TMED3: variants seen among roughly 807,000 people sequenced by gnomAD.
The protein encoded by TMED3 is transmembrane p24 trafficking protein 3, also known as transmembrane emp24 domain-containing protein 3.
In TMED3, 9 loss-of-function variants were observed where a neutral mutation model predicts 15.0. The ratio of observed to expected loss-of-function variants is 0.60; its 90% CI spans 0.36 to 1.04. TMED3 has a LOEUF of 1.04. Among genes scored for constraint, TMED3 ranks in the 50% least tolerant of loss-of-function variants. The pLI is 0.01. For synonymous variants in TMED3, 117 were observed against 121.4 expected (o/e 0.96, Z 0.24); for missense variants, 267 against 278.9 (o/e 0.96, Z 0.30).
chr15:79,390,433 A>G (rs1024139022), intron 2 of TMED3, among the ~76,000 whole-genome samples: 2 of 152,200 alleles, frequency 1.3e-5, no homozygotes, highest in African/African-American at 4.8e-5. Context: ...CATCCCCAGT[A>G]TGAAACCCAC....
chr15:79,398,091 T>A (rs1037226177), intron 2 of TMED3, among the ~76,000 whole-genome samples: 4 of 152,196 alleles, frequency 2.6e-5, no homozygotes, highest in Admixed American at 2.6e-4. Flanking sequence ...CATTATAGTA[T>A]CATACAGAGT....
chr15:79,325,245 A>G (rs1165330171), downstream of TMED3, among the ~76,000 whole-genome samples: 3 of 152,218 alleles, frequency 2.0e-5, no homozygotes, highest in East Asian at 3.9e-4. Flanking sequence ...AGATTCCCCC[A>G]TAAAATAATT....
chr15:79,341,048 G>T (rs969993988), intron 2 of TMED3, among the ~76,000 whole-genome samples: 3 of 152,032 alleles, frequency 2.0e-5, no homozygotes, highest in East Asian at 1.9e-4. Flanking sequence ...TAGAAAATTA[G>T]CTGGGTGTGG....
chr15:79,389,380 G>A (rs556562481), intron 2 of TMED3, among the ~76,000 whole-genome samples: 61 of 152,090 alleles, frequency 4.0e-4, no homozygotes, highest in African/African-American at 1.4e-3. Context: ...TGTTTGCTTT[G>A]TCGAAGATCA....
intron 2 of TMED3, 27 bp downstream of exon 2, chr15:79,314,032 T>G: frequency 6.2e-7 from 1 of 1,613,082 alleles, no homozygotes; most frequent in East Asian, 2.2e-5. Context: ...AGTTCGGGGC[T>G]GCTGAACCCC....
rs546871940 is a variant in TMED3 at position 79,366,404 on chromosome 15, C to T, written c.418-44996C>T. Among the ~76,000 whole-genome samples the T allele has an allele frequency of 2.6e-5, 4 of 152,322 alleles. No individual in the cohort carries two copies. In the East Asian group the frequency reaches 7.7e-4, roughly 29 times the overall value. On this transcript the variant is annotated intron_variant, in intron 2 of 2. Coordinates refer to the TMED3 transcript ENST00000424155. The stretch of plus-strand genomic sequence containing the variant: ...ACAACTGCCTTGGTAAATTCTTATA[C>T]CCCTCAGCCACTGGCCCAGATAGTC...
At chr15:79,380,581 T>TTATA (rs375808118) in intron 2 of TMED3, among the ~76,000 whole-genome samples, 8 of 102,910 alleles carry the variant, frequency 7.8e-5, no homozygotes, top group African/African-American at 2.9e-4. Context: ...ATATATAGTT[T>TTATA]TATATATATA....
rs572539545 is a variant in TMED3 at position 79,353,346 on chromosome 15, AAT to A, written c.417+39346_417+39347del. ...TATATAATATATATTATGTATATAAAATATATGTTATATATAAAATATATATA... is the reference window on the plus strand; with the variant it reads ...TATATAATATATATTATGTATATAAAATATGTTATATATAAAATATATATA... On this transcript the variant is annotated intron_variant, in intron 2 of 2. Transcript: ENST00000424155. Among the ~76,000 whole-genome samples, 879 of 88,018 alleles carry A rather than the reference AAT, an allele frequency of 1.0e-2. 34 individuals are homozygous for A. The highest frequency in any genetic ancestry group is 0.038 in the African/African-American group (842 of 22,226). The allele number at this position is 88,018 out of a possible 152,430, so 57.7% of individuals were successfully genotyped here.
intron 2 of TMED3, among the ~76,000 whole-genome samples, chr15:79,407,759 A>C (rs1440925178): frequency 6.6e-6 from 1 of 152,148 alleles, no homozygotes; most frequent in Admixed American, 6.5e-5. Context: ...AGTCTAAAAC[A>C]TTTTTTACCT....
intron 2 of TMED3, among the ~76,000 whole-genome samples, chr15:79,347,147 T>G (rs2058874183): frequency 6.6e-6 from 1 of 152,084 alleles, no homozygotes; most frequent in African/African-American, 2.4e-5. Context: ...ACTGGCAAAC[T>G]GAATCCAGCA....
chr15:79,402,354 C>T (rs1893845366), intron 2 of TMED3, among the ~76,000 whole-genome samples: 1 of 152,328 alleles, frequency 6.6e-6, no homozygotes, highest in Non-Finnish European at 1.5e-5. Context: ...TGGGTTCCCA[C>T]ATGTGGCTCA....
intron 2 of TMED3, among the ~76,000 whole-genome samples, chr15:79,338,367 C>G (rs988957463): frequency 6.6e-6 from 1 of 152,106 alleles, no homozygotes; most frequent in Admixed American, 6.5e-5. Context: ...TTAAACATCT[C>G]AAAGGCAAAG....
chr15:79,337,204 G>A (rs2058830363), intron 2 of TMED3, among the ~76,000 whole-genome samples: 1 of 152,150 alleles, frequency 6.6e-6, no homozygotes, highest in South Asian at 2.1e-4. Context: ...GTGTCAACAG[G>A]GTTGGTTTCT....
intron 2 of TMED3, 26 bp from the exon 3 acceptor site, chr15:79,321,952 G>A: frequency 1.2e-6 from 2 of 1,610,596 alleles, no homozygotes; most frequent in Non-Finnish European, 1.7e-6. Context: ...GGTTAGCAGT[G>A]TGACTGCTTT....
chr15:79,390,742 T>A (rs1893685872), intron 2 of TMED3, among the ~76,000 whole-genome samples: 1 of 152,084 alleles, frequency 6.6e-6, no homozygotes, highest in Non-Finnish European at 1.5e-5. Flanking sequence ...ATTTTTAAGT[T>A]ACCATTTCAA....
At chr15:79,358,644 C>T (rs901626144) in intron 2 of TMED3, among the ~76,000 whole-genome samples, 1 of 152,204 alleles carries the variant, frequency 6.6e-6, no homozygotes, top group Admixed American at 6.5e-5. Context: ...GACCTCTGAC[C>T]ACTGCCTTCC....
downstream of TMED3, among the ~76,000 whole-genome samples, chr15:79,323,284 G>A (rs191324558): frequency 1.5e-3 from 221 of 152,282 alleles, 2 homozygotes; most frequent in Non-Finnish European, 2.0e-3. Context: ...GGAAGATACA[G>A]TGTCTCCGCT....
intron 2 of TMED3, among the ~76,000 whole-genome samples, chr15:79,409,017 C>T (rs1893936984): frequency 6.6e-6 from 1 of 152,188 alleles, no homozygotes; most frequent in African/African-American, 2.4e-5. Context: ...AAGTACAGAG[C>T]TTCTCTCAAA....
chr15:79,379,174 A>T (rs1443571023), intron 2 of TMED3, among the ~76,000 whole-genome samples: 1 of 152,206 alleles, frequency 6.6e-6, no homozygotes, highest in Non-Finnish European at 1.5e-5. Context: ...TTAATCAATA[A>T]GAGTGGGGAA....
Sources: allele counts gnomAD v4.1 joint callset (sites outside exome capture counted in the v4.1 genomes callset), GRCh38; gene constraint gnomAD v4.1.1; transcripts MANE v1.5; gene names NCBI Gene and HGNC (gene_info 2026-07-23, HGNC 2026-07-21).